The following FAP variants were observed in gnomAD, a reference collection of about 807,000 sequenced individuals.
FAP encodes prolyl endopeptidase FAP.
Under a neutral mutation model 126.5 loss-of-function variants are expected in FAP, and 110 were observed. The ratio of observed to expected loss-of-function variants is 0.87; its 90% CI spans 0.74 to 1.02. The LOEUF is 1.02. Ranked by LOEUF, FAP falls within the 50% of genes least tolerant of loss-of-function variation. FAP has a pLI of 0.00. For missense variants in FAP, 919 were observed against 909.2 expected (o/e 1.01, Z -0.14); for synonymous variants, 334 against 297.3 (o/e 1.12, Z -1.27).
At chr2:162,188,653 A>G (rs980491203) in intron 19 of FAP, among the ~76,000 whole-genome samples, 1 of 152,118 alleles carries the variant, frequency 6.6e-6, no homozygotes, top group Non-Finnish European at 1.5e-5. Flanking sequence ...GCCACTTGCT[A>G]AAAGCAGACA....
In FAP at chr2:162,188,267, C is replaced by T. The variant is rs760054992; in HGVS notation, c.1716G>A (p.Val572=). 3.7e-6 allele frequency: 6 copies of T among 1,613,332 alleles called. No individual in the cohort carries two copies. The highest frequency in any genetic ancestry group is 1.1e-5 in the South Asian group (1 of 91,060). The change falls in exon 20 of 26, where the codon GTG becomes GTA. Residue 572 remains valine (V), a synonymous_variant. Transcript: ENST00000188790. ...ASKEGMVIAL[V]DGRGTAFQGD... The stretch of plus-strand genomic sequence containing the variant: ...CTTGGAAAGCTGTTCCTCGACCATC[C>T]ACCAAGGCAATGACCATCCCTTCCT...
At chr2:162,176,921 G>C (rs564351132) in intron 21 of FAP, among the ~76,000 whole-genome samples, 1 of 148,156 alleles carries the variant, frequency 6.7e-6, no homozygotes, top group Non-Finnish European at 1.5e-5. Context: ...TTTTCAGAAT[G>C]AATATAAATT....
chr2:162,189,249 T>A, intron 18 of FAP, 77 bp from the exon 19 acceptor site: 2 of 786,886 alleles, frequency 2.5e-6, no homozygotes, highest in Admixed American at 2.6e-5. Flanking sequence ...AATAACAATA[T>A]ATGCAATAAA....
Position 162,214,030 on chromosome 2 carries a change from C to G in FAP, c.910G>C (p.Val304Leu). Residue 304 changes from valine (V) to leucine (L), a missense_variant, in exon 11 of 26, where the codon GTA becomes CTA. Val to Leu is a conservative substitution (Grantham distance 32). Transcript: ENST00000188790. ...ACTCTTTTTAGCCACTGCAAACATACTCGTTCATCAGTAACCCACGTGAGC... is the reference window on the plus strand; with the variant it reads ...ACTCTTTTTAGCCACTGCAAACATAGTCGTTCATCAGTAACCCACGTGAGC... The part of the protein sequence containing the change: ...SWLTWVTDER[V>L]CLQWLKRVQN... 1 of 1,614,080 alleles carries G rather than the reference C, an allele frequency of 6.2e-7. No homozygotes were observed. Among genetic ancestry groups the G allele is most frequent in the Non-Finnish European group, 8.5e-7 (1 of 1,179,970 alleles).
chr2:162,173,764 T>A lies in FAP; in HGVS notation c.1993A>T (p.Met665Leu), dbSNP rs764081747. ...TTATCATCCTTTGTTGGGAGACCCA[T>A]GAATCTCTCTGTGTAGACAGACGCT... is the stretch of plus-strand genomic sequence containing the variant. ...YYASVYTERF[M>L]GLPTKDDNLE... is the part of the protein sequence containing the mutation. The change falls in exon 23 of 26, where the codon ATG (methionine) becomes TTG (leucine). Residue 665 changes from methionine to leucine, a missense_variant. By Grantham distance (15) the Met-to-Leu change is conservative (BLOSUM62 2). Coordinates refer to ENST00000188790, the MANE Select transcript of FAP (RefSeq NM_004460.5). The A allele has an allele frequency of 6.2e-7, 1 of 1,604,400 alleles. No homozygotes were observed. Among genetic ancestry groups the A allele is most frequent in the Non-Finnish European group, 8.5e-7 (1 of 1,171,410 alleles).
intron 21 of FAP, among the ~76,000 whole-genome samples, chr2:162,183,188 T>C (rs74339912): frequency 0.01 from 1,588 of 152,234 alleles, 12 homozygotes; most frequent in Non-Finnish European, 0.018. Context: ...TAAAAATATG[T>C]CAATTATGAG....
At chr2:162,206,186 T>C (rs1047175598) in intron 12 of FAP, among the ~76,000 whole-genome samples, 1 of 152,184 alleles carries the variant, frequency 6.6e-6, no homozygotes, top group Admixed American at 6.5e-5. Context: ...GTGAAATATG[T>C]CCACATTCAT....
At chr2:162,189,045 T>C (rs953644053) in intron 19 of FAP, 58 bp downstream of exon 19, 6 of 1,072,448 alleles carry the variant, frequency 5.6e-6, no homozygotes, top group African/African-American at 1.6e-5. Flanking sequence ...CATAAATGTG[T>C]ATTTCATCTA....
In FAP at chr2:162,170,867, ATTTG is replaced by A. The variant is rs568679539; in HGVS notation, c.*108_*111del. 125 of 756,538 alleles carry A rather than the reference ATTTG, an allele frequency of 1.7e-4. No individual in the cohort carries two copies. The African/African-American group carries it at 2.0e-3, about 12-fold the overall frequency. The allele number at this position is 756,538 out of a possible 1,614,324, so 46.9% of individuals were successfully genotyped here. A position where few individuals can be genotyped will look rare whatever the true frequency, so the allele number is the denominator to read the frequency against. On this transcript the variant is annotated 3_prime_UTR_variant, in exon 26 of 26. Coordinates refer to ENST00000188790, the MANE Select transcript of FAP (RefSeq NM_004460.5). ...TTTAACAGCCTTTAGAACAACATTA[ATTTG>A]TTTGTTTATACTAGCATTTTACAAC... is the stretch of plus-strand genomic sequence containing the variant.
chr2:162,220,100 T>C (rs1009490605), intron 6 of FAP, among the ~76,000 whole-genome samples, 175 bp from the exon 7 acceptor site: 1 of 152,224 alleles, frequency 6.6e-6, no homozygotes, highest in African/African-American at 2.4e-5. Context: ...TAGGTGTTGA[T>C]TGCTGTTCTT....
chr2:162,179,951 G>C (rs1381250766), intron 21 of FAP, among the ~76,000 whole-genome samples: 1 of 151,862 alleles, frequency 6.6e-6, no homozygotes, highest in East Asian at 1.9e-4. Flanking sequence ...TGGGATTACA[G>C]GCACATGCCA....
chr2:162,220,917 A>G (rs951961019), intron 6 of FAP, among the ~76,000 whole-genome samples: 2 of 152,156 alleles, frequency 1.3e-5, no homozygotes, highest in African/African-American at 4.8e-5. Flanking sequence ...GAAGAGCCTC[A>G]AAAAAGACTC....
At chr2:162,175,040 T>C in intron 21 of FAP, 74 bp from the exon 22 acceptor site, 1 of 1,048,756 alleles carries the variant, frequency 9.5e-7, no homozygotes, top group Non-Finnish European at 1.5e-6. Flanking sequence ...ATAGCAACTC[T>C]ACTCACAATC....
chr2:162,213,039 A>G (rs995622508), intron 11 of FAP, among the ~76,000 whole-genome samples: 1 of 152,192 alleles, frequency 6.6e-6, no homozygotes, highest in Non-Finnish European at 1.5e-5. Context: ...AATTTGATCT[A>G]ATATCTTATG....
intron 24 of FAP, 132 bp from the exon 25 acceptor site, chr2:162,173,016 A>C: frequency 9.0e-7 from 1 of 1,105,124 alleles, no homozygotes; most frequent in Non-Finnish European, 1.4e-6. Flanking sequence ...GAGTAATCAC[A>C]CTCAGATATG....
chr2:162,225,701 C>T (rs561005110), intron 3 of FAP, 124 bp from the exon 4 acceptor site: 20 of 915,766 alleles, frequency 2.2e-5, no homozygotes, highest in Non-Finnish European at 3.0e-5. Context: ...GTACATATTG[C>T]TTTGTGATAT....
intron 4 of FAP, among the ~76,000 whole-genome samples, chr2:162,225,135 G>T (rs1001530305): frequency 6.6e-6 from 1 of 152,038 alleles, no homozygotes; most frequent in Non-Finnish European, 1.5e-5. Context: ...GGAAAATACC[G>T]AGGCATAGTA....
chr2:162,175,889 C>T (rs763265413), intron 21 of FAP: 3 of 151,994 alleles, frequency 2.0e-5, no homozygotes, highest in African/African-American at 4.8e-5. Context: ...CTCCTGGGAA[C>T]GTGGACTAAG....
At chr2:162,203,438 A>G (rs1688576475) in intron 12 of FAP, among the ~76,000 whole-genome samples, 1 of 152,218 alleles carries the variant, frequency 6.6e-6, no homozygotes, top group African/African-American at 2.4e-5. Flanking sequence ...GTGGTTTGAA[A>G]CGGAGTTAAA....
Sources: gnomAD v4.1 joint callset for allele counts (sites outside exome capture counted in the v4.1 genomes callset) on GRCh38, gnomAD v4.1.1 for gene constraint, MANE v1.5 for transcripts, NCBI Gene and HGNC (gene_info 2026-07-23, HGNC 2026-07-21) for gene names.